The following SLC14A2 variants were observed in gnomAD, a reference collection of about 807,000 sequenced individuals.
SLC14A2 encodes the protein urea transporter 2.
Under a neutral mutation model 104.6 loss-of-function variants are expected in SLC14A2, and 91 were observed. The observed-to-expected ratio is 0.87, with a 90% confidence interval of 0.73 to 1.04. The LOEUF (loss-of-function observed/expected upper bound fraction) is 1.04, where lower values mean the gene tolerates loss of function less well. Among genes scored for constraint, SLC14A2 ranks in the 50% least tolerant of loss-of-function variants. The pLI is 0.00. For missense variants in SLC14A2, 1,189 were observed against 1,156.0 expected (o/e 1.03, Z -0.41); for synonymous variants, 476 against 466.4 (o/e 1.02, Z -0.27).
intron 2 of SLC14A2, among the ~76,000 whole-genome samples, chr18:45,540,558 C>G (rs1455621921): frequency 1.3e-5 from 2 of 152,114 alleles, no homozygotes; most frequent in African/African-American, 4.8e-5. Context: ...ACCTGGCCAA[C>G]ATTGTGAGAC....
chr18:45,635,182 A>G (rs576451711), intron 5 of SLC14A2, among the ~76,000 whole-genome samples: 19 of 152,368 alleles, frequency 1.2e-4, no homozygotes, highest in African/African-American at 4.6e-4. Flanking sequence ...TAGACTTCCA[A>G]GTAGAGATGT....
At chr18:45,539,894 T>A (rs1398232848) in intron 2 of SLC14A2, among the ~76,000 whole-genome samples, 6 of 135,716 alleles carry the variant, frequency 4.4e-5, no homozygotes, top group East Asian at 2.1e-4. Context: ...ATGAAAAGAG[T>A]AAAAAAAAAA....
intron 1 of SLC14A2, among the ~76,000 whole-genome samples, chr18:45,252,791 A>C (rs1233176724): frequency 1.1e-5 from 1 of 94,960 alleles, no homozygotes; most frequent in African/African-American, 4.2e-5. Flanking sequence ...AGCAATATTG[A>C]CTTTTTTTTT....
At chr18:45,653,200 C>T (rs959031264) in intron 10 of SLC14A2, among the ~76,000 whole-genome samples, 2 of 149,886 alleles carry the variant, frequency 1.3e-5, no homozygotes, top group Admixed American at 6.6e-5. Flanking sequence ...TCCATGCAGG[C>T]GACCGACCTC....
At chr18:45,255,154 TTCTC>T (rs2084463828) in intron 1 of SLC14A2, among the ~76,000 whole-genome samples, 1 of 152,192 alleles carries the variant, frequency 6.6e-6, no homozygotes, top group East Asian at 1.9e-4. Flanking sequence ...GTGCTACCCT[TTCTC>T]TTTCTCTGCA....
chr18:45,268,012 A>G (rs1301399934), intron 1 of SLC14A2, among the ~76,000 whole-genome samples: 1 of 152,174 alleles, frequency 6.6e-6, no homozygotes, highest in Non-Finnish European at 1.5e-5. Flanking sequence ...TATAGCAAAC[A>G]TAGTTCAATG....
At position 45,261,055 on chromosome 18, in the gene SLC14A2, C is replaced by T. The variant is rs572883968; in HGVS notation, c.-125+47864C>T. On this transcript the variant is annotated intron_variant, in intron 1 of 20. Coordinates refer to the SLC14A2 transcript ENST00000586448. ...TAATTTAAGTTTTAGGGTACATGTG[C>T]ACAATGTTCAGGTTAGTTACATACG... 1.8e-3 allele frequency among the ~76,000 whole-genome samples: 267 copies of T among 151,768 alleles called. 1 individual carries two copies. The highest frequency in any genetic ancestry group is 6.8e-3 in the Middle Eastern group (2 of 294).
intron 16 of SLC14A2, 68 bp from the exon 17 acceptor site, chr18:45,672,832 T>C: frequency 1.4e-6 from 2 of 1,477,178 alleles, no homozygotes; most frequent in South Asian, 1.3e-5. Flanking sequence ...GTGCCAAGTC[T>C]CTTGCAGCCA....
chr18:45,626,747 C>A (rs1485499556), intron 3 of SLC14A2, among the ~76,000 whole-genome samples: 1 of 152,154 alleles, frequency 6.6e-6, no homozygotes, highest in East Asian at 1.9e-4. Flanking sequence ...AACTACCACC[C>A]ACTGCAGAAT....
chr18:45,363,419 C>A (rs1261877574), intron 1 of SLC14A2, among the ~76,000 whole-genome samples: 1 of 152,146 alleles, frequency 6.6e-6, no homozygotes, highest in Non-Finnish European at 1.5e-5. Flanking sequence ...GGAGGGAGAT[C>A]AGCACCTCGC....
At chr18:45,581,319 C>G (rs781631433) in intron 2 of SLC14A2, among the ~76,000 whole-genome samples, 39 of 152,150 alleles carry the variant, frequency 2.6e-4, no homozygotes, top group Non-Finnish European at 4.9e-4. Flanking sequence ...GACAGAGAAG[C>G]AAGGGACCCA....
intron 1 of SLC14A2, among the ~76,000 whole-genome samples, chr18:45,224,607 C>G (rs1322046369): frequency 6.6e-6 from 1 of 151,950 alleles, no homozygotes; most frequent in Non-Finnish European, 1.5e-5. Flanking sequence ...AAAACCAGTG[C>G]TATTTGACAC....
At chr18:45,388,958 G>T (rs1001973546) in intron 1 of SLC14A2, among the ~76,000 whole-genome samples, 1 of 152,190 alleles carries the variant, frequency 6.6e-6, no homozygotes, top group Admixed American at 6.5e-5. Context: ...AGGGAAAATA[G>T]AAGTTAAATA....
chr18:45,335,997 C>G (rs149945169), intron 1 of SLC14A2, among the ~76,000 whole-genome samples: 6 of 152,254 alleles, frequency 3.9e-5, no homozygotes, highest in African/African-American at 1.4e-4. Flanking sequence ...GCCTCCTTCT[C>G]GCCAAGCTGG....
chr18:45,305,185 G>T (rs1260530616), intron 1 of SLC14A2, among the ~76,000 whole-genome samples: 6 of 152,242 alleles, frequency 3.9e-5, no homozygotes, highest in African/African-American at 7.2e-5. Flanking sequence ...GTAGGGCAGA[G>T]AACCTGCTTG....
chr18:45,547,974 T>A (rs996646307), intron 2 of SLC14A2, among the ~76,000 whole-genome samples: 1 of 152,116 alleles, frequency 6.6e-6, no homozygotes, highest in African/African-American at 2.4e-5. Flanking sequence ...TGGGTTCAAA[T>A]AGGACTTTGT....
At chr18:45,360,094 C>T (rs1436060811) in intron 1 of SLC14A2, among the ~76,000 whole-genome samples, 5 of 152,216 alleles carry the variant, frequency 3.3e-5, no homozygotes, top group African/African-American at 9.7e-5. Context: ...AACCTACCCT[C>T]ACCTCCTCCC....
At chr18:45,247,778 C>A (rs966697171) in intron 1 of SLC14A2, among the ~76,000 whole-genome samples, 2 of 149,588 alleles carry the variant, frequency 1.3e-5, no homozygotes, top group South Asian at 2.1e-4. Context: ...AAAAGAAATT[C>A]TCTGGTGCTG....
intron 1 of SLC14A2, among the ~76,000 whole-genome samples, chr18:45,261,587 T>C (rs1475228794): frequency 6.7e-6 from 1 of 150,090 alleles, no homozygotes; most frequent in Non-Finnish European, 1.5e-5. Context: ...GTCCCCAGAG[T>C]GTGATGTTCC....
Sources: allele counts gnomAD v4.1 joint callset (sites outside exome capture counted in the v4.1 genomes callset), GRCh38; gene constraint gnomAD v4.1.1; transcripts MANE v1.5; gene names NCBI Gene and HGNC (gene_info 2026-07-23, HGNC 2026-07-21).